The following MDN1 variants were observed in gnomAD, a reference collection of about 807,000 sequenced individuals.
The protein encoded by MDN1 is midasin AAA ATPase 1, also known as midasin.
In MDN1, 266 loss-of-function variants were observed where a neutral mutation model predicts 669.2. The observed-to-expected ratio is 0.40, with a 90% confidence interval of 0.36 to 0.44. MDN1 has a LOEUF of 0.44. MDN1 is among the 20% of genes least tolerant of loss of function. The pLI is 1.00. For missense variants in MDN1, 5,940 were observed against 6,754.0 expected (o/e 0.88, Z 4.22); for synonymous variants, 2,385 against 2,457.1 (o/e 0.97, Z 0.87).
intron 48 of MDN1, 61 bp from the exon 49 acceptor site, chr6:89,712,317 A>G (rs1234747829): frequency 1.5e-5 from 22 of 1,419,588 alleles, no homozygotes; most frequent in Non-Finnish European, 1.8e-5. Flanking sequence ...CACATTCCAA[A>G]TAACTGAGAA....
At chr6:89,648,401 G>T in intron 97 of MDN1, 72 bp from the exon 98 acceptor site, 2 of 1,415,596 alleles carry the variant, frequency 1.4e-6, no homozygotes, top group Non-Finnish European at 2.0e-6. Flanking sequence ...ACTATTTTTT[G>T]CATCAAGATT....
At chr6:89,794,348 C>T in intron 3 of MDN1, 141 bp from the exon 4 acceptor site, 2 of 663,948 alleles carry the variant, frequency 3.0e-6, no homozygotes, top group South Asian at 4.0e-5. Flanking sequence ...ACAAATCAGG[C>T]ACAATGGATT....
intron 49 of MDN1, among the ~76,000 whole-genome samples, chr6:89,711,797 AG>A (rs1465462796): frequency 1.3e-4 from 20 of 152,212 alleles, no homozygotes; most frequent in Non-Finnish European, 2.8e-4. Flanking sequence ...TGAATTTGTT[AG>A]GAAGGTGACT....
In MDN1 at chr6:89,787,885, C is replaced by T. The variant is rs1364548621; in HGVS notation, c.1303G>A (p.Ala435Thr). Residue 435 changes from alanine to threonine, a missense_variant, in exon 8 of 102, where the codon GCA (alanine) becomes ACA (threonine). Physicochemically the swap from Ala to Thr is moderately conservative, Grantham distance 58. Transcript: ENST00000369393. ...IPGRGDCLKV[A>T]PGFQFFATRR... ...GTTGCAAAAAACTGAAATCCAGGTG[C>T]CACTTTCAGACAGTCACCTCGGCCA... 6.2e-7 allele frequency: 1 copy of T among 1,613,496 alleles called. No individual in the cohort carries two copies. The highest frequency in any genetic ancestry group is 2.2e-5 in the East Asian group (1 of 44,862).
chr6:89,735,520 C>T (rs1030040786), intron 33 of MDN1, among the ~76,000 whole-genome samples: 2 of 151,818 alleles, frequency 1.3e-5, no homozygotes, highest in East Asian at 3.9e-4. Flanking sequence ...ATTATAGGCA[C>T]GTACTACCAT....
At position 89,712,746 on chromosome 6, in the gene MDN1, C is replaced by T. The variant is rs774231669; in HGVS notation, c.7259G>A (p.Arg2420Gln). 5.4e-5 allele frequency: 87 copies of T among 1,613,934 alleles called. No homozygotes were observed. The highest frequency in any genetic ancestry group is 1.0e-4 in the Admixed American group (6 of 59,988). ...ALLEKHVSSL[R>Q]AHETWGDSIL... Reference sequence around the variant, plus strand: ...GGAGTCTCCCCAGGTTTCATGTGCTCGCAAAGAAGAAACATGTTTCTCCAG... The same window carrying T: ...GGAGTCTCCCCAGGTTTCATGTGCTTGCAAAGAAGAAACATGTTTCTCCAG... Residue 2420 changes from arginine to glutamine, a missense_variant, in exon 48 of 102, where the codon CGA becomes CAA. Physicochemically the swap from Arg to Gln is conservative, Grantham distance 43 (BLOSUM62 1). This residue lies in a region of MDN1 where 2,292 missense variants were observed against 2,638.3 expected (regional missense o/e 0.87). Transcript: ENST00000369393.
chr6:89,758,840 C>T lies in MDN1; in HGVS notation c.2581G>A (p.Val861Met), dbSNP rs905647385. 2.5e-6 allele frequency: 4 copies of T among 1,614,134 alleles called. No homozygotes were observed. The highest frequency in any genetic ancestry group is 1.7e-5 in the Admixed American group (1 of 60,002). ...GLLEGSSGSL[V>M]LLDRGDTEPL... ...CCTGTGTCTCCTCGATCCAGCAACA[C>T]CAGGGATCCAGAAGATCCTTCAAGC... The change falls in exon 18 of 102, where the codon GTG becomes ATG. Residue 861 changes from valine (V) to methionine (M), a missense_variant. By Grantham distance (21) the Val-to-Met change is conservative. Around this residue, in one of 5 missense-constraint regions of MDN1, gnomAD observed 1,203 missense variants for 1,268.9 expected, o/e 0.95. Transcript: ENST00000369393.
chr6:89,696,400 G>A lies in MDN1; in HGVS notation c.9343C>T (p.Leu3115Phe). 1 of 1,614,150 alleles carries A rather than the reference G, an allele frequency of 6.2e-7. No homozygotes were observed. The highest frequency in any genetic ancestry group is 1.3e-5 in the African/African-American group (1 of 75,046). The change falls in exon 60 of 102, where the codon CTT (leucine) becomes TTT (phenylalanine). Residue 3115 changes from leucine (L) to phenylalanine (F), a missense_variant. Physicochemically the swap from Leu to Phe is conservative, Grantham distance 22. Around this residue, in one of 5 missense-constraint regions of MDN1, gnomAD observed 2,292 missense variants for 2,638.3 expected, o/e 0.87. Coordinates refer to ENST00000369393, the MANE Select transcript of MDN1 (RefSeq NM_014611.3). ...TQQLQDISSM[L>F]WTNMAISSVA... is the part of the protein sequence containing the mutation. ...GAAGAGATAGCCATGTTAGTCCAAA[G>A]CATCGAACTGATGTCCTGGAGCTGC...
chr6:89,670,231 T>G (rs1332741225), intron 83 of MDN1, among the ~76,000 whole-genome samples: 1 of 136,026 alleles, frequency 7.4e-6, no homozygotes, highest in South Asian at 2.4e-4. Flanking sequence ...TGGAGTGCAA[T>G]GGCATGATTT....
chr6:89,727,742 T>G, intron 37 of MDN1, 91 bp downstream of exon 37: 4 of 1,597,410 alleles, frequency 2.5e-6, no homozygotes, highest in Non-Finnish European at 3.4e-6. Flanking sequence ...GATCTTCCAC[T>G]GAGAAATGGA....
Position 89,674,318 on chromosome 6 carries a change from A to C in MDN1, c.13033T>G (p.Cys4345Gly). 6.2e-7 allele frequency: 1 copy of C among 1,614,234 alleles called. No homozygotes were observed. The highest frequency in any genetic ancestry group is 1.1e-5 in the South Asian group (1 of 91,086). ...EGPELSKGQL[C>G]GVVLDLIPSN... is the part of the protein sequence containing the mutation. ...GGAATTAGGTCCAGCACTACTCCAC[A>C]AAGTTGTCCCTTGCTAAGTTCTGGT... Residue 4345 changes from cysteine (C) to glycine (G), a missense_variant, in exon 79 of 102, where the codon TGT (cysteine) becomes GGT (glycine). This residue lies in a region of MDN1 where 2,280 missense variants were observed against 2,576.3 expected (regional missense o/e 0.88). Coordinates refer to ENST00000369393, the MANE Select transcript of MDN1 (RefSeq NM_014611.3).
At position 89,674,267 on chromosome 6, in the gene MDN1, T is replaced by C; in HGVS notation, c.13084A>G (p.Ile4362Val). The change falls in exon 79 of 102, where the codon ATA (isoleucine) becomes GTA (valine). Residue 4362 changes from isoleucine (I) to valine (V), a missense_variant. Transcript: ENST00000369393. ...IPSNLSYPSP[I>V]PGSQLPSGCR... The stretch of plus-strand genomic sequence containing the variant: ...CCAGAGGGCAGCTGACTTCCAGGTA[T>C]TGGAGATGGGTAGCTCAGATTGGAA... 1 of 1,614,244 alleles carries C rather than the reference T, an allele frequency of 6.2e-7. No individual in the cohort carries two copies. Among genetic ancestry groups the C allele is most frequent in the Non-Finnish European group, 8.5e-7 (1 of 1,180,046 alleles).
At chr6:89,756,884 G>A (rs1817279567) in intron 19 of MDN1, among the ~76,000 whole-genome samples, 1 of 150,436 alleles carries the variant, frequency 6.6e-6, no homozygotes. Context: ...TTGCGCCACT[G>A]CACTCCAGCC....
intron 36 of MDN1, among the ~76,000 whole-genome samples, chr6:89,728,710 A>T (rs1466349998): frequency 6.6e-6 from 1 of 152,134 alleles, no homozygotes; most frequent in Non-Finnish European, 1.5e-5. Context: ...GGGCACCTGT[A>T]ATCCCAGTGA....
chr6:89,677,836 A>ATTT, intron 75 of MDN1, 140 bp from the exon 76 acceptor site: 4 of 1,048,902 alleles, frequency 3.8e-6, no homozygotes, highest in Non-Finnish European at 5.5e-6. Context: ...CTCAGGCTGC[A>ATTT]CCCACACCAA....
At chr6:89,757,028 C>G (rs1408166389) in intron 19 of MDN1, among the ~76,000 whole-genome samples, 1 of 152,036 alleles carries the variant, frequency 6.6e-6, no homozygotes, top group African/African-American at 2.4e-5. Flanking sequence ...AACAAGCCCC[C>G]TCATCATCAA....
Position 89,654,151 on chromosome 6 carries a change from T to C in MDN1, c.15661+13A>G, listed in dbSNP as rs770286876. 4.3e-6 allele frequency: 7 copies of C among 1,613,890 alleles called. No homozygotes were observed. Among genetic ancestry groups the C allele is most frequent in the Admixed American group, 1.7e-5 (1 of 60,002 alleles). On this transcript the variant is annotated intron_variant, in intron 93 of 101. Coordinates refer to ENST00000369393, the MANE Select transcript of MDN1 (RefSeq NM_014611.3). Reference sequence around the variant, plus strand: ...GAGCGCCTGGGAAGGGTTTGTTCACTAGCAGGACTCACCCAAGGGTGCTGT... The same window carrying C: ...GAGCGCCTGGGAAGGGTTTGTTCACCAGCAGGACTCACCCAAGGGTGCTGT...
At chr6:89,766,241 G>C (rs1192732300) in intron 15 of MDN1, among the ~76,000 whole-genome samples, 2 of 152,012 alleles carry the variant, frequency 1.3e-5, no homozygotes, top group Non-Finnish European at 2.9e-5. Context: ...AGAGGTTGCA[G>C]TGAGCTGAGA....
Position 89,685,973 on chromosome 6 carries a change from T to A in MDN1, c.11573A>T (p.Asp3858Val), listed in dbSNP as rs375886151. The A allele has an allele frequency of 6.2e-7, 1 of 1,608,242 alleles. No individual in the cohort carries two copies. The highest frequency in any genetic ancestry group is 8.5e-7 in the Non-Finnish European group (1 of 1,178,526). Residue 3858 changes from aspartate to valine, a missense_variant and splice_region_variant, in exon 70 of 102, where the codon GAT becomes GTT. Physicochemically the swap from Asp to Val is radical, Grantham distance 152. This residue lies in a region of MDN1 where 2,280 missense variants were observed against 2,576.3 expected (regional missense o/e 0.88). Coordinates refer to ENST00000369393, the MANE Select transcript of MDN1 (RefSeq NM_014611.3). The stretch of plus-strand genomic sequence containing the variant: ...CAACATCAAGGTCATCTGTTTGTCA[T>A]CTTTAAAAATTCAAAGAGAAAAATA... The part of the protein sequence containing the change: ...HMQEQTEEQE[D>V]DKQMTLMLLV...
Sources: gnomAD v4.1 joint callset for allele counts (sites outside exome capture counted in the v4.1 genomes callset) on GRCh38, gnomAD v4.1.1 for gene constraint, gnomAD v4.1.1 regional missense constraint, MANE v1.5 for transcripts, NCBI Gene and HGNC (gene_info 2026-07-23, HGNC 2026-07-21) for gene names.